Variants in UBAP2 observed in about 807,000 individuals in gnomAD.
UBAP2 encodes ubiquitin-associated protein 2.
Under a neutral mutation model 139.6 loss-of-function variants are expected in UBAP2, and 75 were observed. The ratio of observed to expected loss-of-function variants is 0.54; its 90% CI spans 0.45 to 0.65. The LOEUF (loss-of-function observed/expected upper bound fraction) is 0.65, where lower values mean the gene tolerates loss of function less well. Ranked by LOEUF, UBAP2 falls within the 30% of genes least tolerant of loss-of-function variation. The pLI is 0.00. For missense variants in UBAP2, 1,368 were observed against 1,369.6 expected, an observed-to-expected ratio of 1.00 and a Z score of 0.02; for synonymous variants, 526 against 526.2, an observed-to-expected ratio of 1.00 and a Z score of 0.01.
chr9:33,929,832 C>G (rs1278069561), intron 19 of UBAP2, among the ~76,000 whole-genome samples: 1 of 151,968 alleles, frequency 6.6e-6, no homozygotes, highest in Non-Finnish European at 1.5e-5. Context: ...TGAAACCCTG[C>G]CTCTATTAAA....
rs1023617544 is a variant in UBAP2 at position 34,005,265 on chromosome 9, G to GA, written c.100-6402dup. Among the ~76,000 whole-genome samples the GA allele has an allele frequency of 8.4e-3, 745 of 88,442 alleles. 2 individuals carry two copies. The highest frequency in any genetic ancestry group is 0.011 in the Non-Finnish European group (483 of 43,930). 58.0% of individuals were successfully genotyped at this position (88,442 alleles called of 152,430 possible). A position where few individuals can be genotyped will look rare whatever the true frequency, so the allele number is the denominator to read the frequency against. On this transcript the variant is annotated intron_variant, in intron 2 of 28. Transcript: ENST00000379238. Reference sequence around the variant, plus strand: ...GCAGCAGAGTGAAACTGTGTCTCAAGAAAAAAAAAAAAAAAAAAAATTAGC... The same window carrying GA: ...GCAGCAGAGTGAAACTGTGTCTCAAGAAAAAAAAAAAAAAAAAAAAATTAGC...
At chr9:33,956,688 G>A (rs1826592156) in intron 10 of UBAP2, among the ~76,000 whole-genome samples, 1 of 152,050 alleles carries the variant, frequency 6.6e-6, no homozygotes, top group Non-Finnish European at 1.5e-5. Flanking sequence ...TCAGGAAAAT[G>A]ATGAGACTAA....
chr9:33,963,625 C>G (rs1288725273), intron 9 of UBAP2, 101 bp downstream of exon 9: 1 of 685,020 alleles, frequency 1.5e-6, no homozygotes, highest in African/African-American at 1.8e-5. Context: ...AAACATTTAT[C>G]TGATAAATTT....
chr9:34,046,817 C>T (rs889310557), intron 1 of UBAP2, among the ~76,000 whole-genome samples: 5 of 152,158 alleles, frequency 3.3e-5, no homozygotes, highest in Non-Finnish European at 5.9e-5. Flanking sequence ...TCTACATGTT[C>T]TCACACCATC....
At chr9:33,932,428 G>T in intron 19 of UBAP2, 134 bp downstream of exon 19, 1 of 991,072 alleles carries the variant, frequency 1.0e-6, no homozygotes, top group Non-Finnish European at 1.5e-6. Context: ...ACCAGATCAT[G>T]CCATCAAGAC....
rs751217807 is a variant in UBAP2, at chr9:34,017,182, T to C, written c.-34A>G. On this transcript the variant is annotated 5_prime_UTR_variant, in exon 2 of 29. Coordinates refer to ENST00000379238, the MANE Select transcript of UBAP2 (RefSeq NM_001370062.2). ...TATACAAAATAATGTATGTACAAAA[T>C]AGAAAATCTGCAAGAAAGTAGGGAT... 102 of 1,472,802 alleles carry C rather than the reference T, an allele frequency of 6.9e-5. No homozygotes were observed. The highest frequency in any genetic ancestry group is 9.3e-5 in the Non-Finnish European group (101 of 1,091,548). The allele number at this position is 1,472,802 out of a possible 1,614,324, so 91.2% of individuals were successfully genotyped here.
At chr9:33,997,050 A>T (rs1822265689) in intron 3 of UBAP2, 1 of 152,226 alleles carries the variant, frequency 6.6e-6, no homozygotes, top group South Asian at 2.1e-4. Context: ...AAAAAAAAGA[A>T]GAAAAAACAT....
chr9:33,993,526 G>C (rs1483651934), intron 4 of UBAP2, among the ~76,000 whole-genome samples: 1 of 152,144 alleles, frequency 6.6e-6, no homozygotes, highest in Non-Finnish European at 1.5e-5. Flanking sequence ...AAAATGATTA[G>C]CCAAGCGTAG....
chr9:33,922,117 C>A lies in UBAP2; in HGVS notation c.*387G>T. Reference sequence around the variant, plus strand: ...TCGTGATTCTTCATTGGTACCTGACCCCTATACCCAAACAGCCTTGAACCA... The same window carrying A: ...TCGTGATTCTTCATTGGTACCTGACACCTATACCCAAACAGCCTTGAACCA... On this transcript the variant is annotated 3_prime_UTR_variant, in exon 29 of 29. Transcript: ENST00000379238. The A allele has an allele frequency of 5.0e-6, 1 of 199,926 alleles. No individual in the cohort carries two copies. Among genetic ancestry groups the A allele is most frequent in the East Asian group, 1.5e-4 (1 of 6,816 alleles). 12.4% of individuals were successfully genotyped at this position (199,926 alleles called of 1,614,324 possible).
intron 4 of UBAP2, among the ~76,000 whole-genome samples, chr9:33,990,613 GTTAC>G (rs1821618921): frequency 6.7e-6 from 1 of 148,560 alleles, no homozygotes; most frequent in Non-Finnish European, 1.5e-5. Flanking sequence ...TTTCTAGAAG[GTTAC>G]TTAGAAATAG....
chr9:33,939,812 GGGGAGGAGGAAGGGGGGGAGGAGGGGGA>G (rs1824957380), intron 16 of UBAP2, among the ~76,000 whole-genome samples: 2 of 9,684 alleles, frequency 2.1e-4, no homozygotes, highest in Non-Finnish European at 4.2e-4. Context: ...GGAGGAGGAA[GGGGAGGAGGAAGGGGGGGAGGAGGGGGA>G]GGGGGAGGAG....
At chr9:33,955,449 GGC>G (rs1826473988) in intron 11 of UBAP2, among the ~76,000 whole-genome samples, 1 of 125,224 alleles carries the variant, frequency 8.0e-6, no homozygotes, top group South Asian at 2.8e-4. Context: ...AACTCAGGAC[GGC>G]GGGGGTTGCA....
intron 5 of UBAP2, among the ~76,000 whole-genome samples, chr9:33,987,059 AG>A (rs1010882190): frequency 6.6e-6 from 1 of 152,108 alleles, no homozygotes; most frequent in East Asian, 1.9e-4. Flanking sequence ...TTTCCAGCTG[AG>A]GGGGGCAGAT....
rs1467157442 is a variant in UBAP2 at position 33,932,686 on chromosome 9, A to C, written c.2109-58T>G. 3.1e-6 allele frequency: 5 copies of C among 1,590,722 alleles called. No individual in the cohort carries two copies. In the African/African-American group the frequency reaches 6.7e-5, roughly 21 times the overall value. On this transcript the variant is annotated intron_variant, in intron 18 of 28. Transcript: ENST00000379238. ...CTGAACAAGTGACTCCAGATGAACA[A>C]GACGCACGTGGGTCAGTGAGCTAGA... is the stretch of plus-strand genomic sequence containing the variant.
intron 4 of UBAP2, 157 bp downstream of exon 4, chr9:33,996,066 A>G (rs1822173149): frequency 3.5e-6 from 2 of 575,700 alleles, no homozygotes; most frequent in East Asian, 6.0e-5. Flanking sequence ...CATAACAAAA[A>G]CAGTCTTTTC....
chr9:34,033,659 C>T (rs2131339306), intron 1 of UBAP2, among the ~76,000 whole-genome samples: 1 of 152,034 alleles, frequency 6.6e-6, no homozygotes. Context: ...TTCCCTGCAA[C>T]CTCTGCCTCC....
At chr9:33,975,434 AAAAAAAAAAAC>A (rs1440990879) in intron 6 of UBAP2, among the ~76,000 whole-genome samples, 4 of 134,316 alleles carry the variant, frequency 3.0e-5, no homozygotes, top group South Asian at 4.6e-4. Flanking sequence ...TCTATCTTTA[AAAAAAAAAAAC>A]AAAAAAAAAA....
chr9:33,969,774 GA>G (rs967526035), intron 8 of UBAP2, among the ~76,000 whole-genome samples: 2 of 151,104 alleles, frequency 1.3e-5, no homozygotes, highest in African/African-American at 4.9e-5. Flanking sequence ...ACTGAAGCAA[GA>G]GAATCGCTTG....
At chr9:34,019,174 G>A (rs183172422) in intron 1 of UBAP2, among the ~76,000 whole-genome samples, 37 of 152,228 alleles carry the variant, frequency 2.4e-4, no homozygotes, top group Non-Finnish European at 3.8e-4. Context: ...GAGGAGGCAG[G>A]TAGATTGATT....
Sources: gnomAD v4.1 joint callset for allele counts (sites outside exome capture counted in the v4.1 genomes callset) on GRCh38, gnomAD v4.1.1 for gene constraint, MANE v1.5 for transcripts, NCBI Gene and HGNC (gene_info 2026-07-23, HGNC 2026-07-21) for gene names.